The following DIAPH1 variants were observed in gnomAD, a reference collection of about 807,000 sequenced individuals.
The protein encoded by DIAPH1 is protein diaphanous homolog 1.
Under a neutral mutation model 140.7 loss-of-function variants are expected in DIAPH1, and 46 were observed. That is an observed-to-expected ratio of 0.33 (90% confidence interval 0.26 to 0.42). The LOEUF (loss-of-function observed/expected upper bound fraction) is 0.42, where lower values mean the gene tolerates loss of function less well. Ranked by LOEUF, DIAPH1 falls within the 10% of genes least tolerant of loss-of-function variation. DIAPH1 has a pLI of 1.00. For synonymous variants in DIAPH1, 565 were observed against 551.6 expected, an observed-to-expected ratio of 1.02 and a Z score of -0.34; for missense variants, 1,310 against 1,558.7, an observed-to-expected ratio of 0.84 and a Z score of 2.69.
In DIAPH1 at chr5:141,528,598, G is replaced by T. The variant is rs1040527951; in HGVS notation, c.3019-16C>A. The stretch of plus-strand genomic sequence containing the variant: ...TGTCTCGAAGCTTAGAGAAAGAGGA[G>T]AAACTGTTAAATCCTGACATGTCCA... On this transcript the variant is annotated splice_polypyrimidine_tract_variant and intron_variant, in intron 22 of 27. Transcript: ENST00000389054. The T allele has an allele frequency of 6.2e-6, 10 of 1,614,088 alleles. No homozygotes were observed. Among genetic ancestry groups the T allele is most frequent in the Admixed American group, 1.7e-5 (1 of 60,006 alleles).
In DIAPH1 at chr5:141,572,009, A is replaced by C; in HGVS notation, c.2390T>G (p.Phe797Cys). Residue 797 changes from phenylalanine (F) to cysteine (C), a missense_variant, in exon 17 of 28, where the codon TTC (phenylalanine) becomes TGC (cysteine). Phe to Cys is a radical substitution (Grantham distance 205). Coordinates refer to ENST00000389054, the MANE Select transcript of DIAPH1 (RefSeq NM_005219.5). ...LVAEDLSQDC[F>C]WTKVKEDRFE... ...GCGGTCCTCCTTCACCTTTGTCCAG[A>C]AGCAGTCCTGGGAGAGGTCCTCAGC... 1 of 1,614,160 alleles carries C rather than the reference A, an allele frequency of 6.2e-7. No homozygotes were observed. Among genetic ancestry groups the C allele is most frequent in the Non-Finnish European group, 8.5e-7 (1 of 1,180,014 alleles).
chr5:141,516,171 T>C lies in DIAPH1; in HGVS notation c.*680A>G, dbSNP rs1028351647. 8.8e-5 allele frequency: 14 copies of C among 159,258 alleles called. No homozygotes were observed. Among genetic ancestry groups the C allele is most frequent in the Admixed American group, 5.2e-4 (9 of 17,170 alleles). 9.9% of individuals were successfully genotyped at this position (159,258 alleles called of 1,614,324 possible). ...CAGAAGCTGGGGGCAGGTCCCACAC[T>C]GTCGCTATGCCCTGCCTGCCTGCCC... On this transcript the variant is annotated 3_prime_UTR_variant, in exon 28 of 28. Coordinates refer to ENST00000389054, the MANE Select transcript of DIAPH1 (RefSeq NM_005219.5).
intron 18 of DIAPH1, among the ~76,000 whole-genome samples, chr5:141,543,547 G>C (rs1208950502): frequency 6.6e-6 from 1 of 152,156 alleles, no homozygotes. Context: ...GCATTCAGTA[G>C]AAATTGTACT....
At position 141,519,369 on chromosome 5, in the gene DIAPH1, C is replaced by T. The variant is rs184233232; in HGVS notation, c.3662-2361G>A. Among the ~76,000 whole-genome samples, 1,150 of 151,570 alleles carry T rather than the reference C, an allele frequency of 7.6e-3. 19 individuals are homozygous for T. The highest frequency in any genetic ancestry group is 0.027 in the African/African-American group (1,093 of 41,178). On this transcript the variant is annotated intron_variant, in intron 27 of 27. Coordinates refer to ENST00000389054, the MANE Select transcript of DIAPH1 (RefSeq NM_005219.5). ...GTCTCCAACAGTTGAGAAGACACTG[C>T]GACTCTGTGCATGTGTGTGTGTGTG...
chr5:141,600,690 T>C (rs185086460), intron 1 of DIAPH1, among the ~76,000 whole-genome samples: 15 of 151,996 alleles, frequency 9.9e-5, no homozygotes, highest in African/African-American at 3.6e-4. Flanking sequence ...CAAAATGGAG[T>C]GGTGAGAGAT....
At chr5:141,598,727 G>A (rs1015446836) in intron 1 of DIAPH1, among the ~76,000 whole-genome samples, 8 of 152,010 alleles carry the variant, frequency 5.3e-5, no homozygotes, top group Non-Finnish European at 1.0e-4. Flanking sequence ...AAGACCCCAA[G>A]GTATTTATTC....
chr5:141,581,005 C>A (rs186827529), intron 7 of DIAPH1, 122 bp from the exon 8 acceptor site: 20 of 1,090,840 alleles, frequency 1.8e-5, no homozygotes, highest in Non-Finnish European at 2.4e-5. Context: ...AAGTCCCAAC[C>A]CCCAGTACCT....
intron 18 of DIAPH1, among the ~76,000 whole-genome samples, chr5:141,545,273 T>C (rs907270790): frequency 6.6e-6 from 1 of 152,216 alleles, no homozygotes. Context: ...AATTTTACTA[T>C]ATATAAATTA....
chr5:141,607,019 G>A (rs182530952), intron 1 of DIAPH1, among the ~76,000 whole-genome samples: 10 of 146,754 alleles, frequency 6.8e-5, no homozygotes, highest in Admixed American at 2.7e-4. Context: ...AGATTCCCAA[G>A]GTTAACATTA....
intron 8 of DIAPH1, among the ~76,000 whole-genome samples, chr5:141,579,962 A>G (rs201156974): frequency 2.1e-5 from 3 of 145,844 alleles, no homozygotes; most frequent in Non-Finnish European, 3.0e-5. Flanking sequence ...AAAAAAAAGG[A>G]AAAAAAAAAA....
chr5:141,522,412 T>G (rs2099886679), intron 27 of DIAPH1, among the ~76,000 whole-genome samples: 1 of 152,128 alleles, frequency 6.6e-6, no homozygotes, highest in Non-Finnish European at 1.5e-5. Flanking sequence ...TCTGATTTTC[T>G]ACTTGGAAAG....
chr5:141,556,642 C>G (rs2099892628), intron 18 of DIAPH1, among the ~76,000 whole-genome samples: 1 of 152,200 alleles, frequency 6.6e-6, no homozygotes, highest in Non-Finnish European at 1.5e-5. Flanking sequence ...GAAGGGAAGT[C>G]TGGCTTTGTA....
chr5:141,610,740 G>A (rs1470524494), intron 1 of DIAPH1, among the ~76,000 whole-genome samples: 3 of 151,724 alleles, frequency 2.0e-5, no homozygotes, highest in African/African-American at 4.8e-5. Context: ...ATGAGCCACC[G>A]TACCCCGCCT....
At chr5:141,519,013 G>C (rs773620815) in intron 27 of DIAPH1, 1 of 1,550,038 alleles carries the variant, frequency 6.5e-7, no homozygotes, top group Non-Finnish European at 8.7e-7. Context: ...AGAGGAGAAA[G>C]AATAGTGAAG....
At chr5:141,588,336 A>G in intron 1 of DIAPH1, 86 bp from the exon 2 acceptor site, 1 of 981,172 alleles carries the variant, frequency 1.0e-6, no homozygotes, top group South Asian at 1.3e-5. Flanking sequence ...CGGGTTGGGG[A>G]AAAGAGGGAG....
rs555292453 is a variant in DIAPH1 at position 141,528,574 on chromosome 5, G to A, written c.3027C>T (p.Asp1009=). The change falls in exon 23 of 28, where the codon GAC becomes GAT. Residue 1009 remains aspartate (D), a synonymous_variant. Transcript: ENST00000389054. ...FNISFLCKLR[D]TKSTDQKMTL... is the part of the protein sequence containing the mutation. ...TCATCTTCTGATCTGTGGACTTGGT[G>A]TCTCGAAGCTTAGAGAAAGAGGAGA... The A allele has an allele frequency of 2.5e-5, 40 of 1,614,192 alleles. 1 individual carries two copies. The South Asian group carries it at 3.3e-4, about 13-fold the overall frequency.
At chr5:141,528,344 T>C in intron 23 of DIAPH1, 109 bp downstream of exon 23, 1 of 1,515,306 alleles carries the variant, frequency 6.6e-7, no homozygotes, top group Non-Finnish European at 9.1e-7. Context: ...CCTATCTCAT[T>C]TCCACTTGAA....
intron 1 of DIAPH1, among the ~76,000 whole-genome samples, chr5:141,607,099 C>A (rs1245486757): frequency 3.3e-5 from 5 of 151,998 alleles, no homozygotes; most frequent in Admixed American, 2.0e-4. Flanking sequence ...CTCTTAGAAA[C>A]CTTACAATCT....
Position 141,516,626 on chromosome 5 carries a change from G to C in DIAPH1, c.*225C>G. On this transcript the variant is annotated 3_prime_UTR_variant, in exon 28 of 28. Coordinates refer to ENST00000389054, the MANE Select transcript of DIAPH1 (RefSeq NM_005219.5). ...TTTGGTAATACAACAGCCAGGGCTGGCTAAGTCGGGCTCAGGCCTCCCCTG... is the reference window on the plus strand; with the variant it reads ...TTTGGTAATACAACAGCCAGGGCTGCCTAAGTCGGGCTCAGGCCTCCCCTG... 1 of 591,602 alleles carries C rather than the reference G, an allele frequency of 1.7e-6. No homozygotes were observed. The highest frequency in any genetic ancestry group is 1.9e-5 in the African/African-American group (1 of 54,050). The allele number at this position is 591,602 out of a possible 1,614,324, so 36.6% of individuals were successfully genotyped here.
Sources: gnomAD v4.1 joint callset for allele counts (sites outside exome capture counted in the v4.1 genomes callset) on GRCh38, gnomAD v4.1.1 for gene constraint, MANE v1.5 for transcripts, NCBI Gene and HGNC (gene_info 2026-07-23, HGNC 2026-07-21) for gene names.